The following RSRC1 variants were observed in gnomAD, a reference collection of about 807,000 sequenced individuals.
The protein encoded by RSRC1 is arginine and serine rich coiled-coil 1, also known as serine/Arginine-related protein 53.
RSRC1 carries 39 observed loss-of-function variants against 49.1 expected under a neutral mutation model. The observed-to-expected ratio is 0.79, with a 90% CI of 0.61 to 1.04. The LOEUF is 1.04. Among genes scored for constraint, RSRC1 ranks in the 50% least tolerant of loss-of-function variants. The probability of loss-of-function intolerance (pLI) is 0.00; values close to 1 mark genes in which losing one functional copy is unlikely to be tolerated. For missense variants in RSRC1, 388 were observed against 402.4 expected (o/e 0.96, Z 0.31); for synonymous variants, 143 against 130.8 (o/e 1.09, Z -0.63).
At chr3:158,192,156 C>T (rs1720279184) in intron 3 of RSRC1, among the ~76,000 whole-genome samples, 1 of 151,970 alleles carries the variant, frequency 6.6e-6, no homozygotes, top group South Asian at 2.1e-4. Context: ...AAACAATGAA[C>T]ATTAAGACAT....
At chr3:158,228,423 T>C (rs182524275) in intron 4 of RSRC1, among the ~76,000 whole-genome samples, 2 of 130,072 alleles carry the variant, frequency 1.5e-5, no homozygotes, top group East Asian at 2.5e-4. Context: ...TAATTTTGTT[T>C]ATATAAGGTA....
At chr3:158,150,493 A>G (rs1470309506) in intron 3 of RSRC1, among the ~76,000 whole-genome samples, 1 of 152,208 alleles carries the variant, frequency 6.6e-6, no homozygotes, top group Non-Finnish European at 1.5e-5. Flanking sequence ...ATTATTTGCT[A>G]ATTGAAATGA....
At chr3:158,527,249 G>A (rs1712097077) in intron 7 of RSRC1, among the ~76,000 whole-genome samples, 1 of 151,778 alleles carries the variant, frequency 6.6e-6, no homozygotes, top group South Asian at 2.1e-4. Context: ...GCAAGTTTTA[G>A]TTCATTAATC....
intron 3 of RSRC1, among the ~76,000 whole-genome samples, chr3:158,148,258 T>A (rs959193704): frequency 6.6e-6 from 1 of 152,132 alleles, no homozygotes; most frequent in Admixed American, 6.6e-5. Context: ...TATCAATAAT[T>A]GTATGGGGTC....
Position 158,197,913 on chromosome 3 carries a change from A to G in RSRC1, c.321-5159A>G, listed in dbSNP as rs142639150. 1.3e-3 allele frequency among the ~76,000 whole-genome samples: 202 copies of G among 152,204 alleles called. 1 individual carries two copies. The highest frequency in any genetic ancestry group is 4.5e-3 in the African/African-American group (187 of 41,536). Reference sequence around the variant, plus strand: ...TGCTGAGGAGAGCTTTATTCCCACTATGTGGTCAGTTTTGGAGTAGGAGTG... The same window carrying G: ...TGCTGAGGAGAGCTTTATTCCCACTGTGTGGTCAGTTTTGGAGTAGGAGTG... On this transcript the variant is annotated intron_variant, in intron 3 of 9. Coordinates refer to ENST00000611884, the MANE Select transcript of RSRC1 (RefSeq NM_001271838.2).
intron 7 of RSRC1, among the ~76,000 whole-genome samples, chr3:158,474,161 C>T (rs944650563): frequency 6.6e-6 from 1 of 152,088 alleles, no homozygotes; most frequent in South Asian, 2.1e-4. Flanking sequence ...AATCTGGCTT[C>T]ATGATGATTT....
chr3:158,302,646 A>G (rs867600425), intron 5 of RSRC1: 3 of 84,530 alleles, frequency 3.5e-5, no homozygotes, highest in African/African-American at 1.6e-4. Flanking sequence ...TGCTGACTCC[A>G]TGTTTTTTTC....
intron 4 of RSRC1, among the ~76,000 whole-genome samples, chr3:158,213,712 A>C (rs1307432092): frequency 6.6e-6 from 1 of 151,946 alleles, no homozygotes; most frequent in African/African-American, 2.4e-5. Context: ...TTTGGTTGTC[A>C]TGTTGCAGCC....
At chr3:158,157,722 C>G (rs1365885342) in intron 3 of RSRC1, among the ~76,000 whole-genome samples, 2 of 152,092 alleles carry the variant, frequency 1.3e-5, no homozygotes, top group Admixed American at 1.3e-4. Flanking sequence ...TTGAGACCAG[C>G]CTGACCAACA....
intron 6 of RSRC1, among the ~76,000 whole-genome samples, chr3:158,400,979 G>A (rs979163421): frequency 2.0e-5 from 3 of 151,814 alleles, no homozygotes; most frequent in Non-Finnish European, 4.4e-5. Context: ...TATTTTAATG[G>A]TATCTTTTCT....
At chr3:158,413,661 T>G (rs949855858) in intron 6 of RSRC1, among the ~76,000 whole-genome samples, 16 of 150,844 alleles carry the variant, frequency 1.1e-4, no homozygotes, top group African/African-American at 3.9e-4. Flanking sequence ...AAAAGCCCAT[T>G]AAAAAGTGGG....
chr3:158,379,603 C>G (rs998132648), intron 6 of RSRC1, among the ~76,000 whole-genome samples: 12 of 152,234 alleles, frequency 7.9e-5, no homozygotes, highest in Non-Finnish European at 1.3e-4. Context: ...GTTCTCCTCA[C>G]TCAATCACAT....
chr3:158,473,912 G>A (rs1359111227), intron 7 of RSRC1, among the ~76,000 whole-genome samples: 1 of 152,072 alleles, frequency 6.6e-6, no homozygotes. Context: ...GTGACCGTGA[G>A]CTTCTAGAGG....
intron 3 of RSRC1, among the ~76,000 whole-genome samples, chr3:158,176,459 A>T (rs1254846669): frequency 1.3e-5 from 2 of 152,346 alleles, no homozygotes; most frequent in Non-Finnish European, 1.5e-5. Flanking sequence ...AGAGATATAG[A>T]TCAATGGAAC....
intron 6 of RSRC1, among the ~76,000 whole-genome samples, chr3:158,394,532 T>C (rs1377197302): frequency 6.6e-6 from 1 of 152,116 alleles, no homozygotes; most frequent in African/African-American, 2.4e-5. Context: ...TCAGCATTTC[T>C]ATACACTAAC....
chr3:158,371,820 G>A (rs1399471557), intron 6 of RSRC1, among the ~76,000 whole-genome samples: 1 of 151,842 alleles, frequency 6.6e-6, no homozygotes, highest in African/African-American at 2.4e-5. Context: ...GCTCCCAACA[G>A]CAGTCTATAA....
intron 6 of RSRC1, among the ~76,000 whole-genome samples, chr3:158,430,076 A>AATAAT (rs1553804855): frequency 6.7e-6 from 1 of 149,558 alleles, no homozygotes; most frequent in Non-Finnish European, 1.5e-5. Flanking sequence ...CACACACAAA[A>AATAAT]AAAATAAAAT....
chr3:158,304,447 A>G (rs540548488), intron 5 of RSRC1, among the ~76,000 whole-genome samples: 2 of 152,182 alleles, frequency 1.3e-5, no homozygotes, highest in Non-Finnish European at 2.9e-5. Flanking sequence ...CATGAGCTAG[A>G]AAATGCAAAA....
chr3:158,417,129 C>G (rs1328003736), intron 6 of RSRC1, among the ~76,000 whole-genome samples: 1 of 152,004 alleles, frequency 6.6e-6, no homozygotes, highest in Non-Finnish European at 1.5e-5. Flanking sequence ...TAACATATCA[C>G]TAGTTGAACA....
Sources: allele counts gnomAD v4.1 joint callset (sites outside exome capture counted in the v4.1 genomes callset), GRCh38; gene constraint gnomAD v4.1.1; transcripts MANE v1.5; gene names NCBI Gene and HGNC (gene_info 2026-07-23, HGNC 2026-07-21).